The following UBOX5 variants were observed in gnomAD, a reference collection of about 807,000 sequenced individuals.
The protein encoded by UBOX5 is U-box domain containing 5, also known as RING finger protein 37.
UBOX5 carries 28 observed loss-of-function variants against 39.0 expected under a neutral mutation model. That is an observed-to-expected ratio of 0.72 (90% CI 0.53 to 0.98). UBOX5 has a LOEUF of 0.98. UBOX5 is among the 50% of genes least tolerant of loss of function. UBOX5 has a pLI of 0.00. For missense variants in UBOX5, 585 were observed against 674.4 expected (o/e 0.87, Z 1.47); for synonymous variants, 283 against 275.5 (o/e 1.03, Z -0.27).
In UBOX5 at chr20:3,122,431, G is replaced by A. The variant is rs775300993; in HGVS notation, c.208C>T (p.Leu70Phe). The change falls in exon 3 of 5, where the codon CTC (leucine) becomes TTC (phenylalanine). Residue 70 changes from leucine (L) to phenylalanine (F), a missense_variant. Transcript: ENST00000217173. ...ACGTTCTGACCTCCCCCAGCTGTGAGGTCTATGTTGATCCTACAGATTTCC... is the reference window on the plus strand; with the variant it reads ...ACGTTCTGACCTCCCCCAGCTGTGAAGTCTATGTTGATCCTACAGATTTCC... ...NVEICRINID[L>F]TAGGGQNVTG... The A allele has an allele frequency of 1.2e-6, 2 of 1,614,170 alleles. No individual in the cohort carries two copies. Among genetic ancestry groups the A allele is most frequent in the Non-Finnish European group, 1.7e-6 (2 of 1,180,036 alleles).
At chr20:3,131,710 T>G (rs368601406) in intron 1 of UBOX5, among the ~76,000 whole-genome samples, 17 of 152,192 alleles carry the variant, frequency 1.1e-4, no homozygotes, top group African/African-American at 3.9e-4. Context: ...TCAAAACCTA[T>G]AGAATTATAC....
rs1421698998 is a variant in UBOX5 at position 3,115,464 on chromosome 20, G to A, written c.1258C>T (p.Pro420Ser). 1.2e-6 allele frequency: 2 copies of A among 1,612,104 alleles called. No individual in the cohort carries two copies. The highest frequency in any genetic ancestry group is 4.5e-5 in the East Asian group (2 of 44,840). Residue 420 changes from proline (P) to serine (S), a missense_variant and splice_region_variant, in exon 4 of 5, where the codon CCA becomes TCA. Physicochemically the swap from Pro to Ser is moderately conservative, Grantham distance 74 (BLOSUM62 -1). Transcript: ENST00000217173. The stretch of plus-strand genomic sequence containing the variant: ...GACAGCTTCTGCTCGTGGGACAGTG[G>A]ACCTGTCGAGAGATGCGCACAGCAC... ...SLTHMDCSTG[P>S]LSHEQKLSQS...
intron 1 of UBOX5, among the ~76,000 whole-genome samples, chr20:3,139,405 T>C (rs2066497534): frequency 6.6e-6 from 1 of 152,138 alleles, no homozygotes; most frequent in South Asian, 2.1e-4. Flanking sequence ...ATTTATTTAT[T>C]GAGACAAGAG....
chr20:3,133,729 T>G (rs2066447016), intron 1 of UBOX5, among the ~76,000 whole-genome samples: 1 of 147,024 alleles, frequency 6.8e-6, no homozygotes, highest in Non-Finnish European at 1.5e-5. Flanking sequence ...TGCCAAGGGG[T>G]AAGCTCTTTT....
intron 1 of UBOX5, among the ~76,000 whole-genome samples, chr20:3,129,521 C>T (rs550549072): frequency 6.6e-6 from 1 of 152,298 alleles, no homozygotes; most frequent in South Asian, 2.1e-4. Flanking sequence ...GGCCTATCCT[C>T]ATGTTCATCC....
intron 1 of UBOX5, among the ~76,000 whole-genome samples, chr20:3,141,262 T>A (rs942449969): frequency 6.6e-6 from 1 of 152,076 alleles, no homozygotes; most frequent in African/African-American, 2.4e-5. Context: ...GTTCACTTAA[T>A]CTGAAAAGTG....
chr20:3,115,422 C>T lies in UBOX5; in HGVS notation c.1300G>A (p.Ala434Thr), dbSNP rs534062019. The part of the protein sequence containing the change: ...EQKLSQSLEI[A>T]LASTLGSMPS... ...ATAGAGCCAAGGGTGGATGCCAAGG[C>T]AATTTCCAAGCTTTGTGACAGCTTC... The change falls in exon 4 of 5, where the codon GCC (alanine) becomes ACC (threonine). Residue 434 changes from alanine (A) to threonine (T), a missense_variant. Coordinates refer to ENST00000217173, the MANE Select transcript of UBOX5 (RefSeq NM_014948.4). 1.1e-4 allele frequency: 172 copies of T among 1,614,016 alleles called. 2 individuals carry two copies. In the East Asian group the frequency reaches 2.4e-3, roughly 22 times the overall value.
chr20:3,131,709 A>G (rs1280726855), intron 1 of UBOX5, among the ~76,000 whole-genome samples: 1 of 152,178 alleles, frequency 6.6e-6, no homozygotes, highest in African/African-American at 2.4e-5. Context: ...TTCAAAACCT[A>G]TAGAATTATA....
intron 4 of UBOX5, among the ~76,000 whole-genome samples, chr20:3,113,544 G>C (rs932749657): frequency 6.6e-6 from 1 of 152,154 alleles, no homozygotes. Context: ...GATACCAGCA[G>C]GGGCTACTGC....
intron 1 of UBOX5, chr20:3,156,592 G>C (rs1289290716): frequency 6.6e-6 from 1 of 152,230 alleles, no homozygotes. Context: ...AAACAGAGTA[G>C]AGCCTCAGAC....
chr20:3,146,848 G>A, intron 1 of UBOX5: 3 of 1,614,166 alleles, frequency 1.9e-6, no homozygotes, highest in Non-Finnish European at 2.5e-6. Flanking sequence ...TCAGTAGTGG[G>A]AGCCATTCCC....
chr20:3,146,864 G>C, intron 1 of UBOX5: 4 of 1,614,182 alleles, frequency 2.5e-6, no homozygotes, highest in Non-Finnish European at 3.4e-6. Context: ...TTCCCAGTAG[G>C]ATAACTCTAC....
chr20:3,151,973 C>T (rs2066630137), intron 1 of UBOX5: 1 of 151,062 alleles, frequency 6.6e-6, no homozygotes, highest in Non-Finnish European at 1.5e-5. Flanking sequence ...GGTGTGGTGG[C>T]ATGAGCGTGT....
intron 3 of UBOX5, among the ~76,000 whole-genome samples, chr20:3,118,090 AG>A (rs1047544268): frequency 2.6e-5 from 4 of 151,638 alleles, no homozygotes; most frequent in African/African-American, 9.7e-5. Context: ...TCCCAGCAGC[AG>A]AGGTCGCAGT....
intron 1 of UBOX5, among the ~76,000 whole-genome samples, chr20:3,131,553 A>G (rs1484632526): frequency 6.6e-6 from 1 of 152,222 alleles, no homozygotes; most frequent in Non-Finnish European, 1.5e-5. Context: ...ATATTATTGC[A>G]CATTCATGGA....
chr20:3,148,755 C>G, intron 1 of UBOX5: 1 of 1,614,210 alleles, frequency 6.2e-7, no homozygotes, highest in Non-Finnish European at 8.5e-7. Flanking sequence ...AACACTTCTA[C>G]GTCCTCTTCA....
chr20:3,137,807 C>T (rs1308416472), intron 1 of UBOX5, among the ~76,000 whole-genome samples: 1 of 152,150 alleles, frequency 6.6e-6, no homozygotes, highest in Non-Finnish European at 1.5e-5. Context: ...TCTTATAAAT[C>T]CAAATACTCT....
chr20:3,115,093 C>T lies in UBOX5; in HGVS notation c.1417+212G>A, dbSNP rs150790941. Among the ~76,000 whole-genome samples, 129 of 152,286 alleles carry T rather than the reference C, an allele frequency of 8.5e-4. 5 individuals carry two copies. The East Asian group carries it at 0.021, about 25-fold the overall frequency. The stretch of plus-strand genomic sequence containing the variant: ...TTACTAAGGATTGACTAAAGAAAGC[C>T]TTTCTTGTGGGGAGTTTAAGTTCAT... On this transcript the variant is annotated intron_variant, in intron 4 of 4. Transcript: ENST00000217173.
At chr20:3,157,564 C>G (rs955235738) in intron 1 of UBOX5, among the ~76,000 whole-genome samples, 1 of 152,112 alleles carries the variant, frequency 6.6e-6, no homozygotes, top group East Asian at 1.9e-4. Context: ...ATGACTAAGC[C>G]CTGTAGATGA....
Sources: gnomAD v4.1 joint callset for allele counts (sites outside exome capture counted in the v4.1 genomes callset) on GRCh38, gnomAD v4.1.1 for gene constraint, MANE v1.5 for transcripts, NCBI Gene and HGNC (gene_info 2026-07-23, HGNC 2026-07-21) for gene names.